Variants in KDM5B observed in about 807,000 individuals in gnomAD.
The protein encoded by KDM5B is lysine-specific demethylase 5B.
In KDM5B, 144 loss-of-function variants were observed where a neutral mutation model predicts 193.4. That is an observed-to-expected ratio of 0.74 (90% confidence interval 0.65 to 0.86). The LOEUF (loss-of-function observed/expected upper bound fraction) is 0.86. Among genes scored for constraint, KDM5B ranks in the 40% least tolerant of loss-of-function variants. KDM5B has a pLI of 0.00. For missense variants in KDM5B, 1,833 were observed against 1,886.9 expected (o/e 0.97, Z 0.53); for synonymous variants, 668 against 682.6 (o/e 0.98, Z 0.33).
At chr1:202,769,397 C>T (rs1180667001) in intron 4 of KDM5B, among the ~76,000 whole-genome samples, 4 of 150,868 alleles carry the variant, frequency 2.7e-5, no homozygotes, top group Non-Finnish European at 5.9e-5. Flanking sequence ...TGGTCAGGTG[C>T]AGTGGCTCAA....
chr1:202,753,195 A>G (rs1001940145), intron 11 of KDM5B, 128 bp from the exon 12 acceptor site: 14 of 767,326 alleles, frequency 1.8e-5, no homozygotes, highest in Non-Finnish European at 2.9e-5. Context: ...CTGACGAAAT[A>G]TCATTAGAAA....
intron 1 of KDM5B, among the ~76,000 whole-genome samples, chr1:202,785,254 G>A (rs902702660): frequency 1.3e-5 from 2 of 152,106 alleles, no homozygotes; most frequent in African/African-American, 4.8e-5. Flanking sequence ...ACCCTAGCTG[G>A]CATGTAACTG....
chr1:202,803,786 G>C (rs1658176107), intron 1 of KDM5B, among the ~76,000 whole-genome samples: 1 of 151,254 alleles, frequency 6.6e-6, no homozygotes. Flanking sequence ...TTGCGCCATG[G>C]CACTCCAGCC....
intron 4 of KDM5B, 140 bp from the exon 5 acceptor site, chr1:202,767,200 A>G: frequency 6.4e-7 from 1 of 1,552,314 alleles, no homozygotes; most frequent in Non-Finnish European, 8.9e-7. Flanking sequence ...TACTCTTCAT[A>G]TCTGTTAAAT....
chr1:202,757,281 C>T (rs556252391), intron 9 of KDM5B, among the ~76,000 whole-genome samples: 23 of 152,212 alleles, frequency 1.5e-4, no homozygotes, highest in African/African-American at 4.3e-4. Context: ...AACAGGCCAC[C>T]GACTGGTATT....
chr1:202,782,402 G>C (rs1657235813), intron 1 of KDM5B, among the ~76,000 whole-genome samples: 1 of 152,046 alleles, frequency 6.6e-6, no homozygotes, highest in South Asian at 2.1e-4. Flanking sequence ...GTCTCGCTAT[G>C]TTGCCCAGGC....
At chr1:202,807,624 G>A (rs1055539599) in intron 1 of KDM5B, among the ~76,000 whole-genome samples, 2 of 151,448 alleles carry the variant, frequency 1.3e-5, no homozygotes, top group Non-Finnish European at 2.9e-5. Context: ...TTTCCTCCTC[G>A]CACGACAACT....
intron 9 of KDM5B, 29 bp downstream of exon 9, chr1:202,758,362 C>T (rs1656102580): frequency 1.9e-6 from 3 of 1,540,538 alleles, no homozygotes; most frequent in Non-Finnish European, 2.7e-6. Flanking sequence ...TATTAAAATC[C>T]TAAATCAAAG....
chr1:202,760,598 A>G, intron 7 of KDM5B, 25 bp from the exon 8 acceptor site: 1 of 1,528,884 alleles, frequency 6.5e-7, no homozygotes, highest in Non-Finnish European at 8.8e-7. Context: ...GTGGGTACAG[A>G]ACAAAGGAAC....
At chr1:202,741,097 A>G (rs1004223950) in intron 19 of KDM5B, among the ~76,000 whole-genome samples, 1 of 152,212 alleles carries the variant, frequency 6.6e-6, no homozygotes, top group African/African-American at 2.4e-5. Flanking sequence ...CACGATATTA[A>G]CAGGATCCAG....
At chr1:202,776,914 C>A in intron 2 of KDM5B, 103 bp downstream of exon 2, 1 of 803,744 alleles carries the variant, frequency 1.2e-6, no homozygotes, top group South Asian at 1.5e-5. Context: ...AATCTAAAAA[C>A]AGATTTACAA....
chr1:202,785,049 G>A (rs7555841), intron 1 of KDM5B, among the ~76,000 whole-genome samples: 1 of 150,928 alleles, frequency 6.6e-6, no homozygotes, highest in East Asian at 1.9e-4. Flanking sequence ...TTTTAGGACT[G>A]TGGTGAGAAC....
At position 202,742,654 on chromosome 1, in the gene KDM5B, C is replaced by T. The variant is rs542983923; in HGVS notation, c.2474+1G>A. On this transcript the variant is annotated splice_donor_variant, in intron 17 of 26. Transcript: ENST00000367265. LOFTEE classifies it high-confidence loss of function. ...AAACTCACGCAGTCAGAAGCGCATA[C>T]CTAGTTTGCCTTTTGCCATTAAGCA... 4.3e-5 allele frequency: 69 copies of T among 1,613,912 alleles called. No homozygotes were observed. The East Asian group carries it at 1.1e-3, about 26-fold the overall frequency.
chr1:202,793,083 T>C (rs947156208), intron 1 of KDM5B, among the ~76,000 whole-genome samples: 7 of 152,090 alleles, frequency 4.6e-5, no homozygotes, highest in Middle Eastern at 3.4e-3. Flanking sequence ...GGAGCCATTA[T>C]ATATTAAATT....
chr1:202,750,614 A>G, intron 13 of KDM5B, 45 bp downstream of exon 13: 1 of 1,597,472 alleles, frequency 6.3e-7, no homozygotes. Context: ...TTTCCTCAGG[A>G]AAAACAATAA....
At chr1:202,749,295 G>A (rs1413596480) in intron 13 of KDM5B, among the ~76,000 whole-genome samples, 156 bp from the exon 14 acceptor site, 1 of 152,146 alleles carries the variant, frequency 6.6e-6, no homozygotes, top group African/African-American at 2.4e-5. Flanking sequence ...CAGGTAGATG[G>A]CTCACACCTG....
intron 20 of KDM5B, among the ~76,000 whole-genome samples, chr1:202,736,669 A>T (rs1190663930): frequency 6.6e-6 from 1 of 150,962 alleles, no homozygotes; most frequent in Non-Finnish European, 1.5e-5. Flanking sequence ...TTTAAGACGG[A>T]GTATCACTCT....
At chr1:202,750,984 T>C (rs1433707359) in intron 12 of KDM5B, among the ~76,000 whole-genome samples, 1 of 152,150 alleles carries the variant, frequency 6.6e-6, no homozygotes, top group Non-Finnish European at 1.5e-5. Context: ...ACTACCAAAG[T>C]TGATTAGTAT....
rs1247572968 is a variant in KDM5B at position 202,795,586 on chromosome 1, G to C, written c.204+12516C>G. 3.3e-5 allele frequency among the ~76,000 whole-genome samples: 5 copies of C among 152,014 alleles called. No homozygotes were observed. The East Asian group carries it at 9.7e-4, about 29-fold the overall frequency. On this transcript the variant is annotated intron_variant, in intron 1 of 26. Coordinates refer to ENST00000367265, the MANE Select transcript of KDM5B (RefSeq NM_006618.5). ...AGAATCACTTGAACCCAGAGGCAGA[G>C]GTTGCAGTGAGCTGAGATCGCACCA...
Sources: gnomAD v4.1 joint callset for allele counts (sites outside exome capture counted in the v4.1 genomes callset) on GRCh38, gnomAD v4.1.1 for gene constraint, MANE v1.5 for transcripts, NCBI Gene and HGNC (gene_info 2026-07-23, HGNC 2026-07-21) for gene names.